TPD52: variants seen among roughly 807,000 people sequenced by gnomAD.
The protein encoded by TPD52 is prostate and colon associated protein.
Under a neutral mutation model 31.3 loss-of-function variants are expected in TPD52, and 17 were observed. That is an observed-to-expected ratio of 0.54 (90% confidence interval 0.37 to 0.82). The LOEUF (loss-of-function observed/expected upper bound fraction) is 0.82. TPD52 is among the 40% of genes least tolerant of loss of function. TPD52 has a pLI of 0.00. For synonymous variants in TPD52, 83 were observed against 89.6 expected (o/e 0.93, Z 0.42); for missense variants, 212 against 240.1 (o/e 0.88, Z 0.77).
intron 1 of TPD52, among the ~76,000 whole-genome samples, chr8:80,074,344 G>A (rs781363548): frequency 4.6e-5 from 7 of 152,326 alleles, no homozygotes; most frequent in African/African-American, 1.7e-4. Flanking sequence ...TTTTCCCCAT[G>A]TTAAGTCTGT....
At chr8:80,162,836 G>A (rs1811447724) in intron 1 of TPD52, among the ~76,000 whole-genome samples, 1 of 152,072 alleles carries the variant, frequency 6.6e-6, no homozygotes, top group Non-Finnish European at 1.5e-5. Flanking sequence ...TGAGGCAGGA[G>A]GATCACTTGA....
chr8:80,039,316 T>A (rs943442020), intron 7 of TPD52, among the ~76,000 whole-genome samples: 2 of 152,216 alleles, frequency 1.3e-5, no homozygotes, highest in Non-Finnish European at 2.9e-5. Flanking sequence ...CCTTCTCTAT[T>A]CTTTTTTAAC....
intron 1 of TPD52, among the ~76,000 whole-genome samples, chr8:80,156,300 T>C (rs1459564781): frequency 6.6e-6 from 1 of 152,186 alleles, no homozygotes; most frequent in African/African-American, 2.4e-5. Flanking sequence ...CGCTCAGGGT[T>C]CTCAAGGCAG....
chr8:80,155,001 GTTTTT>G (rs201457391), intron 1 of TPD52, among the ~76,000 whole-genome samples: 1 of 139,476 alleles, frequency 7.2e-6, no homozygotes, highest in Non-Finnish European at 1.6e-5. Flanking sequence ...TTGGTTTTTT[GTTTTT>G]TTTTTTTTTG....
chr8:80,059,746 C>T (rs1347805032), intron 2 of TPD52, among the ~76,000 whole-genome samples: 4 of 103,714 alleles, frequency 3.9e-5, no homozygotes, highest in African/African-American at 6.0e-5. Context: ...CCCAGCTATT[C>T]AGGAGGCTGA....
At chr8:80,149,419 T>C (rs116965597) in intron 1 of TPD52, among the ~76,000 whole-genome samples, 5 of 152,344 alleles carry the variant, frequency 3.3e-5, no homozygotes, top group East Asian at 1.9e-4. Flanking sequence ...CTCTTTCTTT[T>C]ATAAATTACC....
chr8:80,139,844 G>A (rs2131135669), intron 1 of TPD52, among the ~76,000 whole-genome samples: 1 of 152,126 alleles, frequency 6.6e-6, no homozygotes, highest in Non-Finnish European at 1.5e-5. Context: ...TTTACAAATG[G>A]GGAGCCTGAT....
chr8:80,098,700 T>C (rs1438601523), intron 1 of TPD52, among the ~76,000 whole-genome samples: 1 of 152,250 alleles, frequency 6.6e-6, no homozygotes, highest in Non-Finnish European at 1.5e-5. Flanking sequence ...ACAAAGAATT[T>C]AGAATATTAC....
At chr8:80,064,731 G>C in intron 1 of TPD52, 138 bp from the exon 2 acceptor site, 1 of 720,994 alleles carries the variant, frequency 1.4e-6, no homozygotes, top group Non-Finnish European at 2.5e-6. Context: ...CAAATGACCT[G>C]GCTTTCTCAG....
At chr8:80,051,161 G>A (rs765494042) in intron 4 of TPD52, 11 of 243,588 alleles carry the variant, frequency 4.5e-5, no homozygotes, top group East Asian at 1.1e-4. Flanking sequence ...AATCTGAATC[G>A]AAGCGTGCAC....
At chr8:80,066,487 A>T (rs1813166619) in intron 1 of TPD52, among the ~76,000 whole-genome samples, 2 of 152,240 alleles carry the variant, frequency 1.3e-5, no homozygotes, top group South Asian at 4.1e-4. Flanking sequence ...AGCTCAATGC[A>T]TAATTGCTTC....
In TPD52 at chr8:80,108,336, T is replaced by C. The variant is rs182460545; in HGVS notation, c.20-43743A>G. Among the ~76,000 whole-genome samples, 4 of 152,342 alleles carry C rather than the reference T, an allele frequency of 2.6e-5. No individual in the cohort carries two copies. The East Asian group carries it at 7.7e-4, about 29-fold the overall frequency. On this transcript the variant is annotated intron_variant, in intron 1 of 7. Coordinates refer to ENST00000518937, the MANE Select transcript of TPD52 (RefSeq NM_001025253.3). Reference sequence around the variant, plus strand: ...AAATGGAATAAAAGTTTAAAACTTTTTGAAATTATGTTTTATAAAATGTCT... The same window carrying C: ...AAATGGAATAAAAGTTTAAAACTTTCTGAAATTATGTTTTATAAAATGTCT...
chr8:80,125,876 T>C (rs1808564751), intron 1 of TPD52, among the ~76,000 whole-genome samples: 1 of 152,206 alleles, frequency 6.6e-6, no homozygotes, highest in Admixed American at 6.5e-5. Flanking sequence ...CTGTAGGCTC[T>C]AACACTTTTG....
intron 1 of TPD52, among the ~76,000 whole-genome samples, chr8:80,123,480 A>C (rs1023440537): frequency 2.6e-5 from 4 of 152,198 alleles, no homozygotes; most frequent in African/African-American, 9.6e-5. Flanking sequence ...TAATCCCAAC[A>C]GTTGGGAGGC....
chr8:80,098,329 G>A (rs1586294035), intron 1 of TPD52, among the ~76,000 whole-genome samples: 2 of 152,180 alleles, frequency 1.3e-5, no homozygotes, highest in South Asian at 4.1e-4. Flanking sequence ...GATTGCTCGG[G>A]TGGGTCTGGG....
In TPD52 at chr8:80,092,822, TCA is replaced by T. The variant is rs1319902411; in HGVS notation, c.20-28231_20-28230del. On this transcript the variant is annotated intron_variant, in intron 1 of 7. Transcript: ENST00000518937. ...TAATTATAAGAGGTGAGATTGTCAC[TCA>T]CACTTTAAATTACTGCCAGAGGCTG... Among the ~76,000 whole-genome samples, 4 of 150,132 alleles carry T rather than the reference TCA, an allele frequency of 2.7e-5. No individual in the cohort carries two copies. In the East Asian group the frequency reaches 7.8e-4, roughly 29 times the overall value.
intron 1 of TPD52, among the ~76,000 whole-genome samples, chr8:80,105,462 C>T (rs921979649): frequency 6.6e-6 from 1 of 152,048 alleles, no homozygotes; most frequent in Non-Finnish European, 1.5e-5. Context: ...TCATGTACCC[C>T]CTGCTTGCTC....
At chr8:80,116,254 T>C (rs1807856374) in intron 1 of TPD52, among the ~76,000 whole-genome samples, 1 of 152,150 alleles carries the variant, frequency 6.6e-6, no homozygotes, top group Non-Finnish European at 1.5e-5. Context: ...ATTCAATTTT[T>C]ACAAAAAGAT....
At chr8:80,077,584 A>T (rs979229875) in intron 1 of TPD52, among the ~76,000 whole-genome samples, 2 of 152,242 alleles carry the variant, frequency 1.3e-5, no homozygotes, top group African/African-American at 2.4e-5. Context: ...TCTAAAAAAA[A>T]CAAAAAACCA....
Sources: allele counts gnomAD v4.1 joint callset (sites outside exome capture counted in the v4.1 genomes callset), GRCh38; gene constraint gnomAD v4.1.1; transcripts MANE v1.5; gene names NCBI Gene and HGNC (gene_info 2026-07-23, HGNC 2026-07-21).